The following KCTD8 variants were observed in gnomAD, a reference collection of about 807,000 sequenced individuals.
The protein encoded by KCTD8 is potassium channel tetramerization domain containing 8, also known as BTB/POZ domain-containing protein KCTD8.
KCTD8 carries 27 observed loss-of-function variants against 31.5 expected under a neutral mutation model. The ratio of observed to expected loss-of-function variants is 0.86; its 90% CI spans 0.63 to 1.18. The LOEUF (loss-of-function observed/expected upper bound fraction) is 1.18, where lower values mean the gene tolerates loss of function less well. Ranked by LOEUF, KCTD8 falls within the 50% of genes most tolerant of loss-of-function variation. KCTD8 has a pLI of 0.00. For missense variants in KCTD8, 658 were observed against 647.7 expected (o/e 1.02, Z -0.17); for synonymous variants, 290 against 280.0 (o/e 1.04, Z -0.36).
chr4:44,205,950 T>C (rs1213303190), intron 1 of KCTD8, among the ~76,000 whole-genome samples: 1 of 152,062 alleles, frequency 6.6e-6, no homozygotes, highest in Non-Finnish European at 1.5e-5. Context: ...GCAAAATCCT[T>C]TTTTTTCTGG....
Position 44,447,005 on chromosome 4 carries a change from C to A in KCTD8, c.961+558G>T, listed in dbSNP as rs79718904. Among the ~76,000 whole-genome samples, 1,365 of 152,340 alleles carry A rather than the reference C, an allele frequency of 9.0e-3. 28 individuals are homozygous for A. The highest frequency in any genetic ancestry group is 0.032 in the African/African-American group (1,321 of 41,588). ...GCCCCCTCGAGGGGCTCTGGGGGCA[C>A]CTTTATCGCTTCTCCCCTGCCCTCT... On this transcript the variant is annotated intron_variant, in intron 1 of 1. Transcript: ENST00000360029.
chr4:44,406,507 G>A (rs539097768), intron 1 of KCTD8, among the ~76,000 whole-genome samples: 92 of 152,180 alleles, frequency 6.0e-4, no homozygotes, highest in African/African-American at 2.2e-3. Flanking sequence ...TTGCCACCAT[G>A]TAAGAAGTGC....
At chr4:44,239,779 G>A (rs1482922272) in intron 1 of KCTD8, among the ~76,000 whole-genome samples, 2 of 152,054 alleles carry the variant, frequency 1.3e-5, no homozygotes, top group African/African-American at 2.4e-5. Flanking sequence ...TTTGTCTCAC[G>A]TTTACTGTGG....
intron 1 of KCTD8, among the ~76,000 whole-genome samples, chr4:44,219,952 A>T (rs932438777): frequency 1.3e-5 from 2 of 152,242 alleles, no homozygotes; most frequent in African/African-American, 4.8e-5. Context: ...ATGAATATAA[A>T]AATGTTGTTT....
intron 1 of KCTD8, among the ~76,000 whole-genome samples, chr4:44,197,079 T>G (rs1713966320): frequency 6.6e-6 from 1 of 152,076 alleles, no homozygotes; most frequent in Non-Finnish European, 1.5e-5. Context: ...CAGGCACAGC[T>G]CTGTGTTCCC....
At chr4:44,344,475 G>A (rs1231072474) in intron 1 of KCTD8, among the ~76,000 whole-genome samples, 1 of 152,140 alleles carries the variant, frequency 6.6e-6, no homozygotes, top group Non-Finnish European at 1.5e-5. Flanking sequence ...GTTAGTCATT[G>A]TGCCGGGTAT....
At chr4:44,216,415 C>T (rs1714653312) in intron 1 of KCTD8, among the ~76,000 whole-genome samples, 1 of 152,026 alleles carries the variant, frequency 6.6e-6, no homozygotes, top group Non-Finnish European at 1.5e-5. Context: ...CCAAAAAGTA[C>T]AATATACTGA....
chr4:44,357,161 C>T (rs1719365386), intron 1 of KCTD8, among the ~76,000 whole-genome samples: 1 of 151,142 alleles, frequency 6.6e-6, no homozygotes, highest in African/African-American at 2.4e-5. Flanking sequence ...CACATCTCTT[C>T]CTCTAGCACA....
chr4:44,270,551 A>T (rs1311595751), intron 1 of KCTD8, among the ~76,000 whole-genome samples: 2 of 151,572 alleles, frequency 1.3e-5, no homozygotes, highest in Non-Finnish European at 1.5e-5. Flanking sequence ...TAATAATAAT[A>T]AAAAAAAGAA....
chr4:44,209,079 A>T (rs1285001563), intron 1 of KCTD8, among the ~76,000 whole-genome samples: 1 of 152,122 alleles, frequency 6.6e-6, no homozygotes, highest in Non-Finnish European at 1.5e-5. Context: ...AGAACAAAAA[A>T]ATAAAAATGC....
At position 44,447,547 on chromosome 4, in the gene KCTD8, G is replaced by A. The variant is rs765408963; in HGVS notation, c.961+16C>T. On this transcript the variant is annotated intron_variant, in intron 1 of 1. Transcript: ENST00000360029. The stretch of plus-strand genomic sequence containing the variant: ...GGGGCGAGGGGTGCTGGGAAACGCC[G>A]GGGCTGCGAACTTACGGAAGAAAAT... 4 of 1,530,388 alleles carry A rather than the reference G, an allele frequency of 2.6e-6. No homozygotes were observed. Among genetic ancestry groups the A allele is most frequent in the East Asian group, 2.4e-5 (1 of 42,352 alleles). 94.8% of individuals were successfully genotyped at this position (1,530,388 alleles called of 1,614,324 possible).
chr4:44,405,917 C>G (rs1397444831), intron 1 of KCTD8, among the ~76,000 whole-genome samples: 2 of 147,766 alleles, frequency 1.4e-5, no homozygotes, highest in Non-Finnish European at 1.5e-5. Flanking sequence ...TTTCAGGGAA[C>G]TAACAAGAGG....
At chr4:44,248,804 A>C (rs1456064618) in intron 1 of KCTD8, among the ~76,000 whole-genome samples, 1 of 151,858 alleles carries the variant, frequency 6.6e-6, no homozygotes, top group African/African-American at 2.4e-5. Flanking sequence ...ATGATGACCA[A>C]GTTGCCATCA....
intron 1 of KCTD8, among the ~76,000 whole-genome samples, chr4:44,248,820 G>C (rs1035348847): frequency 6.6e-6 from 1 of 151,692 alleles, no homozygotes; most frequent in African/African-American, 2.4e-5. Context: ...CATCAGCCTG[G>C]GTTCTTGAAA....
chr4:44,193,679 T>C (rs1314125905), intron 1 of KCTD8, among the ~76,000 whole-genome samples: 3 of 152,118 alleles, frequency 2.0e-5, no homozygotes, highest in East Asian at 1.9e-4. Flanking sequence ...CATATGAAAA[T>C]GTAGACATTG....
chr4:44,373,949 G>A (rs536522867), intron 1 of KCTD8, among the ~76,000 whole-genome samples: 27 of 152,252 alleles, frequency 1.8e-4, no homozygotes, highest in African/African-American at 6.0e-4. Context: ...GATCGGCTTA[G>A]TTAAAAACAT....
intron 1 of KCTD8, among the ~76,000 whole-genome samples, chr4:44,238,357 T>A (rs1475603781): frequency 1.3e-5 from 2 of 152,192 alleles, no homozygotes; most frequent in Admixed American, 1.3e-4. Flanking sequence ...AAACTTATCC[T>A]GGTTGTGATG....
chr4:44,176,496 AT>A (rs1019159049), intron 1 of KCTD8, among the ~76,000 whole-genome samples: 2 of 152,210 alleles, frequency 1.3e-5, no homozygotes, highest in Non-Finnish European at 2.9e-5. Flanking sequence ...AATAGCCAAC[AT>A]GGGCAGTTGA....
At chr4:44,254,164 T>C (rs1715926089) in intron 1 of KCTD8, among the ~76,000 whole-genome samples, 2 of 151,908 alleles carry the variant, frequency 1.3e-5, no homozygotes, top group Non-Finnish European at 2.9e-5. Context: ...TGTACAAGAA[T>C]GTGTTCAGAG....
Sources: allele counts gnomAD v4.1 joint callset (sites outside exome capture counted in the v4.1 genomes callset), GRCh38; gene constraint gnomAD v4.1.1; transcripts MANE v1.5; gene names NCBI Gene and HGNC (gene_info 2026-07-23, HGNC 2026-07-21).